Variants in CSTPP1 observed in about 807,000 individuals in gnomAD.
The protein encoded by CSTPP1 is UPF0705 protein C11orf49.
the CSTPP1 span, among the ~76,000 whole-genome samples, chr11:46,944,282 C>T: frequency 4.9e-4 from 72 of 146,796 alleles, no homozygotes; most frequent in East Asian, 2.2e-3. Context: ...CTCACCACTG[C>T]ACTCCAGCCT....
At chr11:46,947,023 A>G in the CSTPP1 span, among the ~76,000 whole-genome samples, 5 of 152,240 alleles carry the variant, frequency 3.3e-5, no homozygotes, top group Non-Finnish European at 7.3e-5. Context: ...CCATGAATGA[A>G]AAAGGATGAT....
At chr11:46,972,138 T>C in the CSTPP1 span, among the ~76,000 whole-genome samples, 1 of 152,246 alleles carries the variant, frequency 6.6e-6, no homozygotes, top group East Asian at 1.9e-4. Context: ...CATTTTGTTT[T>C]GGAAAGACAA....
the CSTPP1 span, among the ~76,000 whole-genome samples, chr11:47,026,943 TTTTG>T: frequency 0.011 from 1,638 of 152,254 alleles, 14 homozygotes; most frequent in Non-Finnish European, 0.015. Context: ...TTGTTTCCTT[TTTTG>T]TTTGTTTGTT....
the CSTPP1 span, among the ~76,000 whole-genome samples, chr11:47,008,284 C>G: frequency 1.3e-5 from 2 of 151,874 alleles, no homozygotes; most frequent in African/African-American, 4.8e-5. Context: ...TTTTTATCTG[C>G]AAGCCCTAAC....
At chr11:47,066,605 A>C in the CSTPP1 span, among the ~76,000 whole-genome samples, 2 of 152,236 alleles carry the variant, frequency 1.3e-5, no homozygotes, top group African/African-American at 4.8e-5. Context: ...TTATTATCAA[A>C]TACAAATTTA....
the CSTPP1 span, among the ~76,000 whole-genome samples, chr11:47,105,843 T>C: frequency 3.9e-5 from 6 of 152,222 alleles, no homozygotes; most frequent in South Asian, 2.1e-4. Flanking sequence ...AAGATGTGTG[T>C]CCTCCAGTTT....
chr11:47,090,773 C>T, the CSTPP1 span, among the ~76,000 whole-genome samples: 176 of 152,296 alleles, frequency 1.2e-3, no homozygotes, highest in Middle Eastern at 3.4e-3. Flanking sequence ...GGCACGGAGG[C>T]TCACGCCTGT....
chr11:47,136,749 A>G, the CSTPP1 span, among the ~76,000 whole-genome samples: 1 of 152,106 alleles, frequency 6.6e-6, no homozygotes, highest in East Asian at 1.9e-4. Flanking sequence ...TTCCGGGTGG[A>G]TTGCTCTCAC....
chr11:47,023,353 G>T, the CSTPP1 span: 1 of 155,136 alleles, frequency 6.4e-6, no homozygotes, highest in South Asian at 2.0e-4. Flanking sequence ...TGGACCTCCT[G>T]AACTGTGTGA....
At chr11:47,013,899 T>C in the CSTPP1 span, among the ~76,000 whole-genome samples, 1 of 152,192 alleles carries the variant, frequency 6.6e-6, no homozygotes, top group Non-Finnish European at 1.5e-5. Context: ...TGCCAGCATC[T>C]GTTGTTTTTT....
At chr11:47,087,525 C>T in the CSTPP1 span, among the ~76,000 whole-genome samples, 1 of 152,072 alleles carries the variant, frequency 6.6e-6, no homozygotes, top group Non-Finnish European at 1.5e-5. Flanking sequence ...ATGGTGAAAC[C>T]CCATCTCTAC....
chr11:47,002,040 T>C, the CSTPP1 span, among the ~76,000 whole-genome samples: 1 of 152,218 alleles, frequency 6.6e-6, no homozygotes, highest in African/African-American at 2.4e-5. Flanking sequence ...AATCCTATTA[T>C]AGACTTCTTC....
At chr11:47,006,588 C>T in the CSTPP1 span, among the ~76,000 whole-genome samples, 1 of 150,290 alleles carries the variant, frequency 6.7e-6, no homozygotes, top group South Asian at 2.1e-4. Context: ...CTGTCTCTGT[C>T]TCTTTTTTTT....
chr11:47,104,173 C>T, the CSTPP1 span, among the ~76,000 whole-genome samples: 1 of 152,270 alleles, frequency 6.6e-6, no homozygotes, highest in African/African-American at 2.4e-5. Context: ...TATTTTACTG[C>T]CTTAAAGAAA....
the CSTPP1 span, among the ~76,000 whole-genome samples, chr11:47,141,479 C>T: frequency 5.3e-5 from 8 of 151,804 alleles, no homozygotes; most frequent in Non-Finnish European, 1.2e-4. Flanking sequence ...TGGTGGTGTG[C>T]GTCTGTGGTC....
At chr11:47,119,109 C>T in the CSTPP1 span, among the ~76,000 whole-genome samples, 1 of 151,740 alleles carries the variant, frequency 6.6e-6, no homozygotes, top group East Asian at 2.0e-4. Flanking sequence ...CGGTGGGCTC[C>T]GCCCAGTTTG....
chr11:46,937,030 T>A, the CSTPP1 span, among the ~76,000 whole-genome samples: 1 of 151,968 alleles, frequency 6.6e-6, no homozygotes, highest in African/African-American at 2.4e-5. Flanking sequence ...AAAAAGCACC[T>A]GGGAAGTAAA....
chr11:47,099,746 C>A, the CSTPP1 span, among the ~76,000 whole-genome samples: 3 of 152,154 alleles, frequency 2.0e-5, no homozygotes, highest in Non-Finnish European at 4.4e-5. Context: ...TCTTTGGTCA[C>A]CTGCCAATGA....
At chr11:47,137,205 G>A in the CSTPP1 span, 1 of 1,135,160 alleles carries the variant, frequency 8.8e-7, no homozygotes, top group Non-Finnish European at 1.2e-6. Flanking sequence ...GTTTGCGTTA[G>A]TACTGCTTCC....
Sources: allele counts gnomAD v4.1 joint callset (sites outside exome capture counted in the v4.1 genomes callset), GRCh38; gene constraint gnomAD v4.1.1; transcripts MANE v1.5; gene names NCBI Gene and HGNC (gene_info 2026-07-23, HGNC 2026-07-21).